The following COL4A2 variants were observed in gnomAD, a reference collection of about 807,000 sequenced individuals.
COL4A2 encodes the protein collagen type IV alpha 2 chain.
A neutral mutation model predicts 200.2 loss-of-function variants in COL4A2; 99 were observed. The ratio of observed to expected loss-of-function variants is 0.49; its 90% CI spans 0.42 to 0.58. COL4A2 has a LOEUF of 0.58. Among genes scored for constraint, COL4A2 ranks in the 20% least tolerant of loss-of-function variants. The pLI is 0.00. For synonymous variants in COL4A2, 897 were observed against 900.6 expected (o/e 1.00, Z 0.07); for missense variants, 1,950 against 2,314.1 (o/e 0.84, Z 3.23).
chr13:110,414,301 C>G (rs1168361026), intron 4 of COL4A2, among the ~76,000 whole-genome samples: 5 of 152,182 alleles, frequency 3.3e-5, no homozygotes, highest in African/African-American at 9.7e-5. Flanking sequence ...CATGACCCAT[C>G]TCACATGAAA....
At chr13:110,312,811 C>T (rs969565969) in intron 3 of COL4A2, among the ~76,000 whole-genome samples, 2 of 152,216 alleles carry the variant, frequency 1.3e-5, no homozygotes, top group South Asian at 2.1e-4. Context: ...AAGTCTAATC[C>T]AGCCTGTTGC....
At chr13:110,500,591 CTG>C (rs1285703205) in intron 40 of COL4A2, among the ~76,000 whole-genome samples, 2 of 152,214 alleles carry the variant, frequency 1.3e-5, no homozygotes, top group Non-Finnish European at 1.5e-5. Flanking sequence ...GACCCAAAAA[CTG>C]TTGGTTCTCA....
intron 31 of COL4A2, among the ~76,000 whole-genome samples, chr13:110,482,099 G>A (rs1240980856): frequency 6.6e-6 from 1 of 152,236 alleles, no homozygotes; most frequent in Non-Finnish European, 1.5e-5. Flanking sequence ...TCTCCTTCCG[G>A]TGCTGGCGAC....
At chr13:110,325,515 A>C (rs886972328) in intron 3 of COL4A2, among the ~76,000 whole-genome samples, 3 of 152,218 alleles carry the variant, frequency 2.0e-5, no homozygotes, top group Non-Finnish European at 1.5e-5. Flanking sequence ...AGATCATAGA[A>C]GTGTCTCCCA....
intron 33 of COL4A2, among the ~76,000 whole-genome samples, chr13:110,485,331 G>A (rs930755341): frequency 6.6e-6 from 1 of 152,094 alleles, no homozygotes; most frequent in African/African-American, 2.4e-5. Flanking sequence ...AGACCATCCT[G>A]GCTAACACGG....
intron 46 of COL4A2, chr13:110,507,576 G>T: frequency 3.4e-6 from 1 of 296,592 alleles, no homozygotes; most frequent in Non-Finnish European, 6.4e-6. Context: ...GGGTCAAAGA[G>T]CGACCCCTTG....
At chr13:110,338,171 A>G (rs1876286256) in intron 3 of COL4A2, among the ~76,000 whole-genome samples, 1 of 152,170 alleles carries the variant, frequency 6.6e-6, no homozygotes, top group Non-Finnish European at 1.5e-5. Flanking sequence ...TAAATATTTC[A>G]CTAGTTGTTT....
intron 20 of COL4A2, 108 bp from the exon 21 acceptor site, chr13:110,457,235 C>T (rs112999667): frequency 2.5e-6 from 1 of 398,656 alleles, no homozygotes; most frequent in Admixed American, 4.7e-5. Context: ...GGCTGATGCC[C>T]TGCGTCTGCG....
chr13:110,478,107 C>G lies in COL4A2; in HGVS notation c.2530C>G (p.Pro844Ala). 2 of 1,603,096 alleles carry G rather than the reference C, an allele frequency of 1.2e-6. No homozygotes were observed. The highest frequency in any genetic ancestry group is 1.7e-6 in the Non-Finnish European group (2 of 1,173,660). ...LYGPPGLHGF[P>A]GAPGQEGPLG... ...TGGGCCTCCAGGACTGCATGGATTCCCAGGAGCTCCTGGCCAAGAGGGGCC... is the reference window on the plus strand; with the variant it reads ...TGGGCCTCCAGGACTGCATGGATTCGCAGGAGCTCCTGGCCAAGAGGGGCC... Residue 844 changes from proline to alanine, a missense_variant, in exon 30 of 48, where the codon CCA becomes GCA. By Grantham distance (27) the Pro-to-Ala change is conservative. Transcript: ENST00000360467.
intron 3 of COL4A2, among the ~76,000 whole-genome samples, chr13:110,335,948 A>G (rs572614786): frequency 6.6e-6 from 1 of 152,330 alleles, no homozygotes; most frequent in Non-Finnish European, 1.5e-5. Context: ...TGCTTTGCAA[A>G]AAGAAGACTC....
chr13:110,339,503 A>G (rs886545004), intron 3 of COL4A2, among the ~76,000 whole-genome samples: 3 of 152,174 alleles, frequency 2.0e-5, no homozygotes, highest in African/African-American at 7.2e-5. Context: ...CCCAATTGTG[A>G]GGACTGAGCC....
At chr13:110,440,773 C>T (rs756296060) in intron 16 of COL4A2, among the ~76,000 whole-genome samples, 4 of 152,170 alleles carry the variant, frequency 2.6e-5, no homozygotes, top group Non-Finnish European at 5.9e-5. Context: ...ACGCCTCCTA[C>T]GGCAGGCCCG....
At chr13:110,366,638 T>G (rs1877766148) in intron 4 of COL4A2, among the ~76,000 whole-genome samples, 1 of 152,178 alleles carries the variant, frequency 6.6e-6, no homozygotes, top group African/African-American at 2.4e-5. Context: ...AAATGCTGCA[T>G]GCAGTGGGTA....
chr13:110,433,257 G>A (rs1880749723), intron 11 of COL4A2, among the ~76,000 whole-genome samples: 1 of 152,256 alleles, frequency 6.6e-6, no homozygotes, highest in African/African-American at 2.4e-5. Flanking sequence ...GGAGCAGGAT[G>A]AGATGGGCCC....
intron 22 of COL4A2, among the ~76,000 whole-genome samples, chr13:110,461,123 T>C (rs1017751791): frequency 1.3e-5 from 2 of 152,268 alleles, no homozygotes; most frequent in African/African-American, 2.4e-5. Context: ...CAGGCTGCGA[T>C]TTGAGAGTCC....
intron 3 of COL4A2, among the ~76,000 whole-genome samples, chr13:110,353,882 A>G (rs966529040): frequency 3.3e-5 from 5 of 152,186 alleles, no homozygotes; most frequent in Admixed American, 3.3e-4. Flanking sequence ...TTCCCTCACA[A>G]TATAGCACTG....
At chr13:110,320,743 T>C (rs1885254598) in intron 3 of COL4A2, among the ~76,000 whole-genome samples, 1 of 152,250 alleles carries the variant, frequency 6.6e-6, no homozygotes, top group Non-Finnish European at 1.5e-5. Context: ...TTCATCCGTT[T>C]TAAAAGTTGC....
intron 4 of COL4A2, among the ~76,000 whole-genome samples, chr13:110,384,095 A>T (rs1368926544): frequency 3.9e-5 from 6 of 152,214 alleles, no homozygotes; most frequent in Non-Finnish European, 5.9e-5. Context: ...AGGAAATATG[A>T]TCAAAAGAGT....
chr13:110,435,591 G>T (rs1044257771), intron 12 of COL4A2, among the ~76,000 whole-genome samples: 1 of 152,122 alleles, frequency 6.6e-6, no homozygotes, highest in East Asian at 1.9e-4. Context: ...TGATATCTGG[G>T]CTCAGACTTG....
Sources: gnomAD v4.1 joint callset for allele counts (sites outside exome capture counted in the v4.1 genomes callset) on GRCh38, gnomAD v4.1.1 for gene constraint, MANE v1.5 for transcripts, NCBI Gene and HGNC (gene_info 2026-07-23, HGNC 2026-07-21) for gene names.